SUGP2: variants seen among roughly 807,000 people sequenced by gnomAD.
SUGP2 encodes SURP and G-patch domain containing 2.
A neutral mutation model predicts 90.5 loss-of-function variants in SUGP2; 24 were observed. That is an observed-to-expected ratio of 0.27 (90% CI 0.19 to 0.37). SUGP2 has a LOEUF of 0.37. SUGP2 is among the 10% of genes least tolerant of loss of function. The pLI is 1.00. For missense variants in SUGP2, 1,233 were observed against 1,363.3 expected (o/e 0.90, Z 1.51); for synonymous variants, 473 against 513.4 (o/e 0.92, Z 1.06).
intron 1 of SUGP2, among the ~76,000 whole-genome samples, chr19:19,031,667 C>A (rs1438025347): frequency 6.6e-6 from 1 of 152,094 alleles, no homozygotes; most frequent in Non-Finnish European, 1.5e-5. Context: ...CATGCCACTG[C>A]CCTCCAGACT....
chr19:19,001,471 A>G (rs765468613), intron 8 of SUGP2, 142 bp downstream of exon 8: 2 of 841,882 alleles, frequency 2.4e-6, no homozygotes, highest in Non-Finnish European at 3.9e-6. Context: ...TCCCAAGAGA[A>G]AAGTCTCTGT....
chr19:18,997,591 T>A (rs894101320), intron 8 of SUGP2, among the ~76,000 whole-genome samples: 1 of 152,004 alleles, frequency 6.6e-6, no homozygotes, highest in Admixed American at 6.6e-5. Flanking sequence ...GAGACCAGCC[T>A]GACCAACATG....
At chr19:19,003,959 T>C (rs1046790747) in intron 7 of SUGP2, among the ~76,000 whole-genome samples, 2 of 152,184 alleles carry the variant, frequency 1.3e-5, no homozygotes, top group South Asian at 2.1e-4. Flanking sequence ...CAGCAGCAAG[T>C]AGAGTGCCAG....
At chr19:19,021,328 G>A (rs1392729727) in intron 3 of SUGP2, among the ~76,000 whole-genome samples, 3 of 152,106 alleles carry the variant, frequency 2.0e-5, no homozygotes, top group African/African-American at 7.2e-5. Flanking sequence ...TTAAACACTA[G>A]TGTGAGCTCC....
intron 1 of SUGP2, 199 bp downstream of exon 1, chr19:19,033,238 C>A (rs2059259590): frequency 7.2e-6 from 3 of 414,076 alleles, no homozygotes; most frequent in South Asian, 1.1e-4. Context: ...CCGGCCTCTG[C>A]GGGCGAGGAA....
At chr19:19,013,568 A>T (rs1319679802) in intron 4 of SUGP2, among the ~76,000 whole-genome samples, 1 of 152,204 alleles carries the variant, frequency 6.6e-6, no homozygotes, top group African/African-American at 2.4e-5. Context: ...AGGCCTGCAC[A>T]CCTACCTCCC....
intron 10 of SUGP2, chr19:18,994,051 G>A (rs755569118): frequency 1.8e-5 from 4 of 221,920 alleles, no homozygotes; most frequent in African/African-American, 6.9e-5. Context: ...AGAGACAGGC[G>A]TGGCCTATTT....
At chr19:19,015,735 C>T (rs2058475743) in intron 4 of SUGP2, among the ~76,000 whole-genome samples, 2 of 152,098 alleles carry the variant, frequency 1.3e-5, no homozygotes, top group South Asian at 4.1e-4. Context: ...GAACTCCCAA[C>T]CTCAAGTCAT....
At chr19:19,001,077 G>A (rs1325834577) in intron 8 of SUGP2, among the ~76,000 whole-genome samples, 2 of 150,438 alleles carry the variant, frequency 1.3e-5, no homozygotes, top group South Asian at 2.1e-4. Context: ...GTGCAGTGGC[G>A]CGATCTCGGC....
intron 9 of SUGP2, 38 bp downstream of exon 9, chr19:18,995,106 G>GCCCCCCCCACACCCA: frequency 6.3e-7 from 1 of 1,584,886 alleles, no homozygotes; most frequent in Non-Finnish European, 8.6e-7. Flanking sequence ...AAGGACTGAG[G>GCCCCCCCCACACCCA]CCCCACCCAC....
intron 3 of SUGP2, among the ~76,000 whole-genome samples, chr19:19,022,133 T>C (rs1192140392): frequency 6.6e-6 from 1 of 151,970 alleles, no homozygotes; most frequent in Non-Finnish European, 1.5e-5. Flanking sequence ...TACAGGCACA[T>C]GCCACCACGC....
rs766407529 is a variant in SUGP2, at chr19:19,009,934, G to A, written c.2259C>T (p.Ala753=). 3 of 1,614,184 alleles carry A rather than the reference G, an allele frequency of 1.9e-6. No homozygotes were observed. The highest frequency in any genetic ancestry group is 3.3e-4 in the Middle Eastern group (2 of 6,062). Residue 753 remains alanine, a synonymous_variant, in exon 5 of 11, where the codon GCC becomes GCT. Transcript: ENST00000452918. ...CTGCTGGCTTGGGGGATGGGCCTGA[G>A]GCTTCTAAGCTGGGGTCCTGAGGAG... is the stretch of plus-strand genomic sequence containing the variant. ...GPSPQDPSLE[A]SGPSPKPAGV...
At chr19:19,010,365 C>T (rs367742794) in intron 4 of SUGP2, 23 bp from the exon 5 acceptor site, 51 of 1,597,884 alleles carry the variant, frequency 3.2e-5, no homozygotes, top group African/African-American at 2.5e-4. Context: ...ACAAGCATAA[C>T]GGGACATTTA....
intron 8 of SUGP2, 118 bp downstream of exon 8, chr19:19,001,495 T>C: frequency 9.4e-7 from 1 of 1,065,424 alleles, no homozygotes; most frequent in Non-Finnish European, 1.4e-6. Context: ...GTTTTACACA[T>C]TAATACCTCA....
At chr19:19,033,258 C>T in intron 1 of SUGP2, 179 bp downstream of exon 1, 1 of 606,624 alleles carries the variant, frequency 1.6e-6, no homozygotes, top group Non-Finnish European at 2.1e-6. Context: ...AATGGGGGCG[C>T]CGGGCCCGGG....
intron 5 of SUGP2, 51 bp from the exon 6 acceptor site, chr19:19,008,479 C>T (rs368866512): frequency 7.1e-6 from 10 of 1,400,782 alleles, no homozygotes; most frequent in African/African-American, 2.8e-5. Context: ...TGCTGCTCCC[C>T]GTGTAAACAC....
In SUGP2 at chr19:19,029,958, A is replaced by G. The variant is rs77199235; in HGVS notation, c.121+993T>C. 2.6e-5 allele frequency among the ~76,000 whole-genome samples: 4 copies of G among 151,438 alleles called. No homozygotes were observed. The East Asian group carries it at 7.8e-4, about 30-fold the overall frequency. On this transcript the variant is annotated intron_variant, in intron 2 of 10. Coordinates refer to ENST00000452918, the MANE Select transcript of SUGP2 (RefSeq NM_001017392.5). ...ACTCTGTCTCAAATAAAAAAAAAAA[A>G]GAACTAGTAGAGCTTAAACCTGGGC... is the stretch of plus-strand genomic sequence containing the variant.
chr19:19,023,185 G>A (rs1599548274), intron 3 of SUGP2, among the ~76,000 whole-genome samples: 1 of 152,102 alleles, frequency 6.6e-6, no homozygotes, highest in South Asian at 2.1e-4. Flanking sequence ...GCGAAAAGGT[G>A]TATCCACTAT....
intron 2 of SUGP2, among the ~76,000 whole-genome samples, chr19:19,030,498 G>A (rs1191763441): frequency 1.3e-5 from 2 of 152,130 alleles, no homozygotes; most frequent in Non-Finnish European, 2.9e-5. Context: ...TGGGAGACAA[G>A]AGTGAAACTC....
Sources: gnomAD v4.1 joint callset for allele counts (sites outside exome capture counted in the v4.1 genomes callset) on GRCh38, gnomAD v4.1.1 for gene constraint, MANE v1.5 for transcripts, NCBI Gene and HGNC (gene_info 2026-07-23, HGNC 2026-07-21) for gene names.